PAK5: variants seen among roughly 807,000 people sequenced by gnomAD.
The protein encoded by PAK5 is serine/threonine-protein kinase PAK 5.
PAK5 carries 16 observed loss-of-function variants against 65.9 expected under a neutral mutation model. The observed-to-expected ratio is 0.24, with a 90% CI of 0.16 to 0.37. The LOEUF (loss-of-function observed/expected upper bound fraction) is 0.37. Ranked by LOEUF, PAK5 falls within the 10% of genes least tolerant of loss-of-function variation. The pLI is 1.00. For missense variants in PAK5, 785 were observed against 903.9 expected (o/e 0.87, Z 1.69); for synonymous variants, 371 against 354.9 (o/e 1.05, Z -0.51).
Position 9,684,756 on chromosome 20 carries a change from A to G in PAK5, c.-12+26530T>C, listed in dbSNP as rs149153838. ...GGCATTAGTATTTTTAAGCCTCTTA[A>G]TAGCTTTTCCTCCTCTTTTCCAGGA... is the stretch of plus-strand genomic sequence containing the variant. On this transcript the variant is annotated intron_variant, in intron 2 of 9. Transcript: ENST00000353224. Among the ~76,000 whole-genome samples, 664 of 152,326 alleles carry G rather than the reference A, an allele frequency of 4.4e-3. 5 individuals are homozygous for G. The highest frequency in any genetic ancestry group is 0.013 in the African/African-American group (542 of 41,572).
In PAK5 at chr20:9,615,833, C is replaced by T. The variant is rs140273315; in HGVS notation, c.204+28292G>A. 5.0e-3 allele frequency among the ~76,000 whole-genome samples: 758 copies of T among 152,260 alleles called. 13 individuals carry two copies. Among genetic ancestry groups the T allele is most frequent in the African/African-American group, 0.017 (713 of 41,558 alleles). Reference sequence around the variant, plus strand: ...GATGCTCACTCCCGTGGCCTGGCAGCGGATGGTGACTCTTGTCTGGGGGCA... The same window carrying T: ...GATGCTCACTCCCGTGGCCTGGCAGTGGATGGTGACTCTTGTCTGGGGGCA... On this transcript the variant is annotated intron_variant, in intron 3 of 9. Transcript: ENST00000353224.
chr20:9,622,404 C>A (rs1005761434), intron 3 of PAK5, among the ~76,000 whole-genome samples: 3 of 152,096 alleles, frequency 2.0e-5, no homozygotes, highest in Admixed American at 6.6e-5. Context: ...CTGGTAGGTA[C>A]CCTAGTGGAC....
At chr20:9,680,813 G>A (rs1038326888) in intron 2 of PAK5, among the ~76,000 whole-genome samples, 3 of 152,180 alleles carry the variant, frequency 2.0e-5, no homozygotes, top group African/African-American at 7.2e-5. Context: ...TGTCTGAGAG[G>A]TGTCTTCAAA....
chr20:9,744,296 C>G (rs921987519), intron 1 of PAK5, among the ~76,000 whole-genome samples: 2 of 152,116 alleles, frequency 1.3e-5, no homozygotes, highest in African/African-American at 4.8e-5. Context: ...AATACAAAGT[C>G]CTGAAACATC....
At chr20:9,541,056 A>G (rs2045254458) in intron 9 of PAK5, among the ~76,000 whole-genome samples, 1 of 152,102 alleles carries the variant, frequency 6.6e-6, no homozygotes, top group African/African-American at 2.4e-5. Context: ...ATTTAGACTT[A>G]GTCCAATCCA....
chr20:9,743,343 A>G (rs184133581), intron 1 of PAK5, among the ~76,000 whole-genome samples: 15 of 151,524 alleles, frequency 9.9e-5, no homozygotes, highest in Admixed American at 5.3e-4. Flanking sequence ...GCACTCCAGC[A>G]TGGGTGACAG....
intron 1 of PAK5, among the ~76,000 whole-genome samples, chr20:9,759,291 G>T (rs1416297212): frequency 6.6e-6 from 1 of 152,040 alleles, no homozygotes; most frequent in African/African-American, 2.4e-5. Flanking sequence ...TTACTTTGTA[G>T]CATATTTACA....
intron 3 of PAK5, among the ~76,000 whole-genome samples, chr20:9,587,843 A>G (rs2046096881): frequency 6.6e-6 from 1 of 152,164 alleles, no homozygotes; most frequent in Non-Finnish European, 1.5e-5. Context: ...TTTCTGTATA[A>G]GAAGAGTCAG....
chr20:9,809,335 A>T (rs1381488408), intron 1 of PAK5, among the ~76,000 whole-genome samples: 8 of 135,322 alleles, frequency 5.9e-5, no homozygotes, highest in Non-Finnish European at 7.7e-5. Flanking sequence ...GGCAATCCAA[A>T]TTTTTTTTTT....
chr20:9,799,735 T>C (rs977338776), intron 1 of PAK5, among the ~76,000 whole-genome samples: 1 of 151,638 alleles, frequency 6.6e-6, no homozygotes, highest in Non-Finnish European at 1.5e-5. Context: ...AATAAAGAAA[T>C]GAGAGAGCAG....
chr20:9,709,943 C>G (rs2048058228), intron 2 of PAK5, among the ~76,000 whole-genome samples: 1 of 152,180 alleles, frequency 6.6e-6, no homozygotes, highest in South Asian at 2.1e-4. Context: ...ATGTGAAACC[C>G]TCACTGCACA....
intron 1 of PAK5, among the ~76,000 whole-genome samples, chr20:9,777,932 G>A (rs931300342): frequency 1.3e-5 from 2 of 152,166 alleles, no homozygotes; most frequent in Non-Finnish European, 2.9e-5. Context: ...AGAAGGGATG[G>A]TATAGGCTAA....
intron 1 of PAK5, among the ~76,000 whole-genome samples, chr20:9,719,567 G>C (rs146220325): frequency 2.0e-5 from 3 of 152,022 alleles, no homozygotes; most frequent in East Asian, 1.9e-4. Context: ...TAATGTGTTG[G>C]CTTTTATTTT....
intron 7 of PAK5, among the ~76,000 whole-genome samples, chr20:9,545,400 T>C (rs1384492863): frequency 6.6e-6 from 1 of 152,154 alleles, no homozygotes; most frequent in African/African-American, 2.4e-5. Context: ...AACAGCCTTA[T>C]GAAAGTGACA....
At chr20:9,721,523 C>T (rs933208224) in intron 1 of PAK5, among the ~76,000 whole-genome samples, 2 of 151,664 alleles carry the variant, frequency 1.3e-5, no homozygotes, top group Non-Finnish European at 2.9e-5. Context: ...TATGGTGGCT[C>T]GCACCTGTAA....
At chr20:9,703,809 A>G (rs113233495) in intron 2 of PAK5, among the ~76,000 whole-genome samples, 7 of 152,130 alleles carry the variant, frequency 4.6e-5, no homozygotes, top group African/African-American at 1.4e-4. Flanking sequence ...TCAATTGTTC[A>G]GTGGATAGGC....
At chr20:9,717,865 C>T (rs2048168168) in intron 1 of PAK5, among the ~76,000 whole-genome samples, 1 of 152,188 alleles carries the variant, frequency 6.6e-6, no homozygotes, top group East Asian at 1.9e-4. Flanking sequence ...GGTGATACAC[C>T]CGCCTCGGCC....
At chr20:9,776,468 C>T (rs2048888029) in intron 1 of PAK5, among the ~76,000 whole-genome samples, 2 of 152,154 alleles carry the variant, frequency 1.3e-5, no homozygotes, top group African/African-American at 4.8e-5. Context: ...ATATGATGCT[C>T]CTGTTTTCAC....
At chr20:9,634,811 G>C (rs970772021) in intron 3 of PAK5, among the ~76,000 whole-genome samples, 3 of 152,174 alleles carry the variant, frequency 2.0e-5, no homozygotes, top group Non-Finnish European at 4.4e-5. Flanking sequence ...CACAGTCTTT[G>C]TGGTGGTGGG....
Sources: allele counts gnomAD v4.1 joint callset (sites outside exome capture counted in the v4.1 genomes callset), GRCh38; gene constraint gnomAD v4.1.1; transcripts MANE v1.5; gene names NCBI Gene and HGNC (gene_info 2026-07-23, HGNC 2026-07-21).